The following SIN3A variants were observed in gnomAD, a reference collection of about 807,000 sequenced individuals.
SIN3A encodes the protein SIN3 transcription regulator family member A.
In SIN3A, 14 loss-of-function variants were observed where a neutral mutation model predicts 146.1. That is an observed-to-expected ratio of 0.10 (90% CI 0.06 to 0.15). The LOEUF (loss-of-function observed/expected upper bound fraction) is 0.15, where lower values mean the gene tolerates loss of function less well. SIN3A is among the 10% of genes least tolerant of loss of function. The pLI is 1.00. For missense variants in SIN3A, 1,028 were observed against 1,576.0 expected, an observed-to-expected ratio of 0.65 and a Z score of 5.89; for synonymous variants, 572 against 572.0, an observed-to-expected ratio of 1.00 and a Z score of 0.00.
intron 19 of SIN3A, among the ~76,000 whole-genome samples, chr15:75,380,203 T>C (rs539973821): frequency 6.6e-6 from 1 of 152,310 alleles, no homozygotes; most frequent in Admixed American, 6.5e-5. Flanking sequence ...GAATTAAGAG[T>C]GTCCTGTGTG....
chr15:75,375,404 C>A (rs1304688007), intron 20 of SIN3A, among the ~76,000 whole-genome samples: 1 of 152,068 alleles, frequency 6.6e-6, no homozygotes, highest in Non-Finnish European at 1.5e-5. Context: ...AGAGATTGTC[C>A]CTCACAGTCC....
At chr15:75,442,132 A>C (rs1229503783) in intron 1 of SIN3A, among the ~76,000 whole-genome samples, 2 of 146,280 alleles carry the variant, frequency 1.4e-5, no homozygotes, top group African/African-American at 2.5e-5. Context: ...AAAAAAAAAA[A>C]AAAAAAAAAA....
At chr15:75,442,947 A>C (rs954712206) in intron 1 of SIN3A, among the ~76,000 whole-genome samples, 31 of 151,768 alleles carry the variant, frequency 2.0e-4, no homozygotes, top group African/African-American at 7.5e-4. Flanking sequence ...AAAAAAAAAA[A>C]AAAAAAATCA....
Position 75,410,351 on chromosome 15 carries a change from C to T in SIN3A, c.1009-65G>A, listed in dbSNP as rs1430934638. On this transcript the variant is annotated intron_variant, in intron 6 of 20. Coordinates refer to ENST00000394947, the MANE Select transcript of SIN3A (RefSeq NM_001145358.2). ...GTTTTGAGTCACTCATCTTTGCACG[C>T]TTTCTGGAATCACTGTTATCTATTT... The T allele has an allele frequency of 2.0e-6, 3 of 1,495,648 alleles. No individual in the cohort carries two copies. In the African/African-American group the frequency reaches 4.2e-5, roughly 21 times the overall value. The allele number at this position is 1,495,648 out of a possible 1,614,324, so 92.6% of individuals were successfully genotyped here.
chr15:75,440,506 A>T (rs1189322924), intron 1 of SIN3A, among the ~76,000 whole-genome samples: 1 of 151,598 alleles, frequency 6.6e-6, no homozygotes, highest in African/African-American at 2.4e-5. Context: ...TGCTGGGATT[A>T]CAGGTGTGAG....
chr15:75,449,110 T>C (rs1218748851), intron 1 of SIN3A, among the ~76,000 whole-genome samples: 1 of 152,250 alleles, frequency 6.6e-6, no homozygotes, highest in African/African-American at 2.4e-5. Context: ...ATGGGAACTA[T>C]ATATGTAGCC....
chr15:75,409,888 T>C lies in SIN3A; in HGVS notation c.1265A>G (p.Gln422Arg). The C allele has an allele frequency of 1.2e-6, 2 of 1,613,806 alleles. No homozygotes were observed. Among genetic ancestry groups the C allele is most frequent in the Non-Finnish European group, 1.7e-6 (2 of 1,180,038 alleles). Reference sequence around the variant, plus strand: ...ATGTCTGCGGATCTGGCAGCCATTCTGGCTGGGCCTCTGCGGCTTGTTGTT... The same window carrying C: ...ATGTCTGCGGATCTGGCAGCCATTCCGGCTGGGCCTCTGCGGCTTGTTGTT... ...QLNNKPQRPS[Q>R]NGCQIRRHPT... Residue 422 changes from glutamine (Q) to arginine (R), a missense_variant, in exon 8 of 21, where the codon CAG (glutamine) becomes CGG (arginine). Gln to Arg is a conservative substitution (Grantham distance 43, BLOSUM62 1). Around this residue, in one of 9 missense-constraint regions of SIN3A, gnomAD observed 62 missense variants for 63.5 expected, o/e 0.98. Transcript: ENST00000394947.
chr15:75,398,607 G>C (rs1344825138), intron 12 of SIN3A, among the ~76,000 whole-genome samples: 1 of 150,998 alleles, frequency 6.6e-6, no homozygotes, highest in African/African-American at 2.4e-5. Flanking sequence ...AAACTCGTGA[G>C]GCAGAGGTTG....
At position 75,371,420 on chromosome 15, in the gene SIN3A, C is replaced by G. The variant is rs1163378346; in HGVS notation, c.*559G>C. 1 of 152,262 alleles carries G rather than the reference C, an allele frequency of 6.6e-6. No homozygotes were observed. The highest frequency in any genetic ancestry group is 1.5e-5 in the Non-Finnish European group (1 of 68,110). 9.4% of individuals were successfully genotyped at this position (152,262 alleles called of 1,614,324 possible). A position where few individuals can be genotyped will look rare whatever the true frequency, so the allele number is the denominator to read the frequency against. On this transcript the variant is annotated 3_prime_UTR_variant, in exon 21 of 21. Coordinates refer to ENST00000394947, the MANE Select transcript of SIN3A (RefSeq NM_001145358.2). Reference sequence around the variant, plus strand: ...ATCCACAAGATGATCAATCCCAAAGCCAAACTGCAGGTCCCAGATAAAACC... The same window carrying G: ...ATCCACAAGATGATCAATCCCAAAGGCAAACTGCAGGTCCCAGATAAAACC...
In SIN3A at chr15:75,440,137, C is replaced by T. The variant is rs539745414; in HGVS notation, c.-33-9729G>A. ...ATGCACTCCAGCCTGGGCAACAGAG[C>T]GAGACTCCCTCTCAAAAATAAATAA... On this transcript the variant is annotated intron_variant, in intron 1 of 20. Coordinates refer to ENST00000394947, the MANE Select transcript of SIN3A (RefSeq NM_001145358.2). 4.0e-5 allele frequency among the ~76,000 whole-genome samples: 6 copies of T among 151,336 alleles called. No individual in the cohort carries two copies. The East Asian group carries it at 9.8e-4, about 25-fold the overall frequency.
In SIN3A at chr15:75,381,582, C is replaced by T. The variant is rs1363882210; in HGVS notation, c.3288+31G>A. The T allele has an allele frequency of 1.9e-6, 3 of 1,548,354 alleles. No individual in the cohort carries two copies. In the African/African-American group the frequency reaches 4.1e-5, roughly 21 times the overall value. On this transcript the variant is annotated intron_variant, in intron 18 of 20. Coordinates refer to ENST00000394947, the MANE Select transcript of SIN3A (RefSeq NM_001145358.2). ...CTCAAGGCACGCCAGCTCTGCTTGGCACCTGGGGTCTGTGATGTACTTGCT... is the reference window on the plus strand; with the variant it reads ...CTCAAGGCACGCCAGCTCTGCTTGGTACCTGGGGTCTGTGATGTACTTGCT...
intron 1 of SIN3A, among the ~76,000 whole-genome samples, chr15:75,433,727 G>A (rs954169802): frequency 7.9e-5 from 12 of 152,032 alleles, no homozygotes; most frequent in East Asian, 1.9e-4. Context: ...GGAGAATGGC[G>A]TGGACCGGGA....
At chr15:75,383,782 G>A (rs1177262387) in intron 17 of SIN3A, among the ~76,000 whole-genome samples, 6 of 152,088 alleles carry the variant, frequency 3.9e-5, no homozygotes, top group Middle Eastern at 3.4e-3. Flanking sequence ...CTACCATGCC[G>A]GGCTAATTTT....
At chr15:75,381,303 A>C (rs1418734219) in intron 18 of SIN3A, among the ~76,000 whole-genome samples, 1 of 152,218 alleles carries the variant, frequency 6.6e-6, no homozygotes, top group Non-Finnish European at 1.5e-5. Context: ...CAAAGAATCA[A>C]GATGACATGA....
At chr15:75,401,807 GGTCTC>G in intron 10 of SIN3A, 40 bp downstream of exon 10, 1 of 1,098,242 alleles carries the variant, frequency 9.1e-7, no homozygotes, top group South Asian at 1.3e-5. Flanking sequence ...AACATTACCT[GGTCTC>G]CATATCATGC....
chr15:75,432,506 G>A (rs2074029352), intron 1 of SIN3A, among the ~76,000 whole-genome samples: 1 of 151,616 alleles, frequency 6.6e-6, no homozygotes, highest in Non-Finnish European at 1.5e-5. Flanking sequence ...GGCCAACATG[G>A]TGAAACCCTG....
intron 20 of SIN3A, among the ~76,000 whole-genome samples, chr15:75,374,239 TAA>T (rs2072812076): frequency 6.6e-6 from 1 of 152,218 alleles, no homozygotes; most frequent in African/African-American, 2.4e-5. Context: ...CTCACGCCTG[TAA>T]TCCCAGTACT....
chr15:75,376,941 A>AC (rs1172356047), intron 19 of SIN3A, among the ~76,000 whole-genome samples: 1 of 151,920 alleles, frequency 6.6e-6, no homozygotes, highest in Non-Finnish European at 1.5e-5. Context: ...ATTTCTGTAG[A>AC]CAGCAGTTCT....
At chr15:75,395,163 A>G (rs1595896455) in intron 13 of SIN3A, among the ~76,000 whole-genome samples, 1 of 152,342 alleles carries the variant, frequency 6.6e-6, no homozygotes, top group East Asian at 1.9e-4. Context: ...CTTGAAAAAA[A>G]GAGTTCTTGT....
Sources: allele counts gnomAD v4.1 joint callset (sites outside exome capture counted in the v4.1 genomes callset), GRCh38; gene constraint gnomAD v4.1.1; regional missense constraint gnomAD v4.1.1; transcripts MANE v1.5; gene names NCBI Gene and HGNC (gene_info 2026-07-23, HGNC 2026-07-21).